Variants in CADPS2 observed in about 807,000 individuals in gnomAD.
CADPS2 encodes calcium dependent secretion activator 2.
In CADPS2, 93 loss-of-function variants were observed where a neutral mutation model predicts 172.5. That is an observed-to-expected ratio of 0.54 (90% CI 0.46 to 0.64). CADPS2 has a LOEUF of 0.64. Among genes scored for constraint, CADPS2 ranks in the 30% least tolerant of loss-of-function variants. CADPS2 has a pLI of 0.00. For missense variants in CADPS2, 1,420 were observed against 1,565.9 expected (o/e 0.91, Z 1.57); for synonymous variants, 546 against 555.2 (o/e 0.98, Z 0.23).
intron 7 of CADPS2, among the ~76,000 whole-genome samples, chr7:122,556,868 C>T (rs1304750509): frequency 6.6e-6 from 1 of 152,110 alleles, no homozygotes; most frequent in Non-Finnish European, 1.5e-5. Context: ...ACTCTTAGCT[C>T]TGATAATATC....
At chr7:122,427,751 CTTAG>C (rs909435365) in intron 17 of CADPS2, among the ~76,000 whole-genome samples, 28 of 151,932 alleles carry the variant, frequency 1.8e-4, no homozygotes, top group Admixed American at 5.3e-4. Flanking sequence ...TCTAAGTTGA[CTTAG>C]TTATTCAGTA....
chr7:122,586,150 G>A (rs1375731580), intron 6 of CADPS2, among the ~76,000 whole-genome samples: 2 of 152,058 alleles, frequency 1.3e-5, no homozygotes, highest in East Asian at 3.9e-4. Flanking sequence ...GAAAAAGAGG[G>A]AGGATACAAA....
At chr7:122,498,633 A>T (rs951699165) in intron 9 of CADPS2, among the ~76,000 whole-genome samples, 1 of 151,912 alleles carries the variant, frequency 6.6e-6, no homozygotes, top group African/African-American at 2.4e-5. Context: ...TGTCTAACCT[A>T]TTGCTTACCC....
At chr7:122,581,660 G>C (rs544522188) in intron 6 of CADPS2, among the ~76,000 whole-genome samples, 57 of 152,176 alleles carry the variant, frequency 3.7e-4, no homozygotes, top group Non-Finnish European at 7.9e-4. Context: ...GTTTGTTTAC[G>C]TAAGAGAGAG....
intron 2 of CADPS2, among the ~76,000 whole-genome samples, chr7:122,731,684 C>T (rs1286345887): frequency 1.3e-5 from 2 of 150,688 alleles, no homozygotes; most frequent in African/African-American, 4.9e-5. Context: ...GAAAAAAAAA[C>T]CCTTCAATTA....
chr7:122,380,327 C>T (rs1259067705), intron 24 of CADPS2, among the ~76,000 whole-genome samples: 1 of 152,096 alleles, frequency 6.6e-6, no homozygotes, highest in Non-Finnish European at 1.5e-5. Flanking sequence ...CTTGTAAAGA[C>T]TAACCCTATC....
intron 6 of CADPS2, among the ~76,000 whole-genome samples, chr7:122,586,594 G>C (rs183750195): frequency 9.9e-5 from 15 of 152,084 alleles, no homozygotes; most frequent in Non-Finnish European, 1.8e-4. Flanking sequence ...AGCTTTGCAA[G>C]ATGTTATGTT....
chr7:122,320,252 T>C lies in CADPS2; in HGVS notation c.3804A>G (p.Thr1268=). The C allele has an allele frequency of 6.2e-7, 1 of 1,613,852 alleles. No homozygotes were observed. The highest frequency in any genetic ancestry group is 8.5e-7 in the Non-Finnish European group (1 of 1,179,806). The change falls in exon 30 of 30, where the codon ACA becomes ACG. Residue 1268 remains threonine (T), a synonymous_variant. Coordinates refer to ENST00000449022, the MANE Select transcript of CADPS2 (RefSeq NM_017954.11). ...AAACAGAGGCTGTGGCCTCCTCTAC[T>C]GTTAAACGTCTGTGCACAGTATCAT... The part of the protein sequence containing the change: ...KTYDTVHRRL[T]VEEATASVSE...
chr7:122,531,828 C>G (rs1696849844), intron 8 of CADPS2, among the ~76,000 whole-genome samples: 1 of 151,962 alleles, frequency 6.6e-6, no homozygotes, highest in South Asian at 2.1e-4. Context: ...GTCAGGAGTT[C>G]AAGACCAGCC....
chr7:122,688,200 G>A (rs2083879429), intron 2 of CADPS2, among the ~76,000 whole-genome samples: 1 of 152,198 alleles, frequency 6.6e-6, no homozygotes, highest in Admixed American at 6.5e-5. Context: ...GAGATGAACT[G>A]AAGATAAAGG....
At chr7:122,694,674 A>C (rs2084840221) in intron 2 of CADPS2, among the ~76,000 whole-genome samples, 1 of 152,206 alleles carries the variant, frequency 6.6e-6, no homozygotes, top group African/African-American at 2.4e-5. Flanking sequence ...CCACTTATAA[A>C]ACCAAGTATG....
intron 17 of CADPS2, among the ~76,000 whole-genome samples, chr7:122,417,877 C>T (rs1366285025): frequency 1.3e-5 from 2 of 152,118 alleles, no homozygotes; most frequent in African/African-American, 4.8e-5. Context: ...CTGTATGACA[C>T]AGATGAGGTG....
At chr7:122,615,400 G>A (rs1563862217) in intron 5 of CADPS2, 101 bp from the exon 6 acceptor site, 1 of 721,918 alleles carries the variant, frequency 1.4e-6, no homozygotes, top group Admixed American at 3.8e-5. Context: ...TGACAAAACT[G>A]AAAAAAAATT....
chr7:122,871,850 T>C (rs566398035), intron 1 of CADPS2, among the ~76,000 whole-genome samples: 14 of 152,228 alleles, frequency 9.2e-5, no homozygotes, highest in African/African-American at 3.4e-4. Flanking sequence ...CTACTTCTTC[T>C]CCATTTCCTT....
At chr7:122,841,446 A>G (rs940624574) in intron 1 of CADPS2, among the ~76,000 whole-genome samples, 1 of 152,208 alleles carries the variant, frequency 6.6e-6, no homozygotes, top group Admixed American at 6.5e-5. Flanking sequence ...TACTTGAAAA[A>G]TAATTAGGGA....
chr7:122,541,361 T>TA (rs1169886600), intron 8 of CADPS2, among the ~76,000 whole-genome samples: 2 of 40,732 alleles, frequency 4.9e-5, no homozygotes, highest in African/African-American at 2.7e-4. Context: ...CACACCCAGC[T>TA]ATTTTTTTTT....
intron 24 of CADPS2, among the ~76,000 whole-genome samples, chr7:122,384,551 C>T (rs1163408900): frequency 2.0e-5 from 3 of 151,820 alleles, no homozygotes; most frequent in African/African-American, 7.3e-5. Context: ...GAGGGAAGGC[C>T]TATGCAATTA....
rs773623768 is a variant in CADPS2, at chr7:122,438,340, CCTT to C, written c.2474_2476del (p.Glu826del). The C allele has an allele frequency of 6.2e-6, 10 of 1,612,822 alleles. No homozygotes were observed. In the South Asian group the frequency reaches 6.6e-5, roughly 11 times the overall value. On this transcript the variant is annotated inframe_deletion and splice_region_variant, in exon 17 of 30. Transcript: ENST00000449022. ...CTTCGACAATTGCTCACTGCACTGA[CCTT>C]CTATTTTGGCATATTCTGTGAGTCT...
At chr7:122,363,609 G>T (rs571504966) in intron 25 of CADPS2, among the ~76,000 whole-genome samples, 101 of 151,580 alleles carry the variant, frequency 6.7e-4, no homozygotes, top group Admixed American at 1.4e-3. Context: ...AAGTCATTTT[G>T]CTTCTCTCTC....
Sources: allele counts gnomAD v4.1 joint callset (sites outside exome capture counted in the v4.1 genomes callset), GRCh38; gene constraint gnomAD v4.1.1; transcripts MANE v1.5; gene names NCBI Gene and HGNC (gene_info 2026-07-23, HGNC 2026-07-21).